The following ELL variants were observed in gnomAD, a reference collection of about 807,000 sequenced individuals.
ELL encodes elongation factor for RNA polymerase II.
In ELL, 18 loss-of-function variants were observed where a neutral mutation model predicts 64.0. The ratio of observed to expected loss-of-function variants is 0.28; its 90% CI spans 0.19 to 0.42. The LOEUF (loss-of-function observed/expected upper bound fraction) is 0.42. ELL is among the 10% of genes least tolerant of loss of function. The pLI is 1.00. For synonymous variants in ELL, 399 were observed against 376.2 expected (o/e 1.06, Z -0.70); for missense variants, 797 against 870.4 (o/e 0.92, Z 1.06).
rs537747383 is a variant in ELL, at chr19:18,461,863, A to C, written c.470-11T>G. ...ACTGAACCTTCTTGCCTGCAACAAG[A>C]ATCCAAGCTTTAGGGAACAGAGAGG... On this transcript the variant is annotated splice_polypyrimidine_tract_variant and intron_variant, in intron 4 of 11. Transcript: ENST00000262809. 1.7e-4 allele frequency: 270 copies of C among 1,607,980 alleles called. 1 individual carries two copies. The South Asian group carries it at 2.9e-3, about 17-fold the overall frequency.
At position 18,459,258 on chromosome 19, in the gene ELL, G is replaced by A. The variant is rs113077366; in HGVS notation, c.745-929C>T. On this transcript the variant is annotated intron_variant, in intron 5 of 11. Transcript: ENST00000262809. The stretch of plus-strand genomic sequence containing the variant: ...GGGTGAGGGGTACCTCTGGGGCCAC[G>A]TCTGAGCCCACCTTCCCTACAACCA... 3.8e-3 allele frequency among the ~76,000 whole-genome samples: 583 copies of A among 152,292 alleles called. 2 individuals are homozygous for A. The highest frequency in any genetic ancestry group is 0.012 in the African/African-American group (486 of 41,558).
intron 1 of ELL, chr19:18,473,170 G>T (rs773465192): frequency 3.0e-6 from 2 of 659,160 alleles, no homozygotes; most frequent in South Asian, 3.0e-5. Context: ...CCAGGATGCA[G>T]GGGCGGGGAG....
rs914752202 is a variant in ELL, at chr19:18,446,055, A to G, written c.1704+254T>C. On this transcript the variant is annotated intron_variant, in intron 10 of 11. Transcript: ENST00000262809. ...ATGTACCCCGGCTCGCCCCCATCCA[A>G]GGAGGTGGGTCACAGCTGTCCCCAC... The G allele has an allele frequency of 7.8e-6, 4 of 510,958 alleles. No homozygotes were observed. In the African/African-American group the frequency reaches 7.9e-5, roughly 10 times the overall value. The allele number at this position is 510,958 out of a possible 1,614,324, so 31.7% of individuals were successfully genotyped here. A position where few individuals can be genotyped will look rare whatever the true frequency, so the allele number is the denominator to read the frequency against.
In ELL at chr19:18,449,838, C is replaced by T. The variant is rs1974484651; in HGVS notation, c.1465+639G>A. On this transcript the variant is annotated intron_variant, in intron 8 of 11. Coordinates refer to ENST00000262809, the MANE Select transcript of ELL (RefSeq NM_006532.4). The surrounding 1 kb of genome is among the most constrained non-coding windows in gnomAD (Gnocchi z 4.4). ...GAACAGCTGCGCAGGCTCATGGCCA[C>T]GGTGCTAGGCGGGTGCTACTGCTGC... Among the ~76,000 whole-genome samples, 3 of 152,348 alleles carry T rather than the reference C, an allele frequency of 2.0e-5. No homozygotes were observed. The South Asian group carries it at 6.2e-4, about 32-fold the overall frequency.
chr19:18,444,556 TGCTCAGGAA>T lies in ELL; in HGVS notation c.*187_*195del. Reference sequence around the variant, plus strand: ...TGGGGAGCCCATCATAAGCAGGGACTGCTCAGGAAGCGCAGGGAGGGCCGAGGTGGGCTT... The same window carrying T: ...TGGGGAGCCCATCATAAGCAGGGACTGCGCAGGGAGGGCCGAGGTGGGCTT... On this transcript the variant is annotated 3_prime_UTR_variant, in exon 12 of 12. Coordinates refer to ENST00000262809, the MANE Select transcript of ELL (RefSeq NM_006532.4). 1.8e-6 allele frequency: 1 copy of T among 550,010 alleles called. No homozygotes were observed. Among genetic ancestry groups the T allele is most frequent in the Non-Finnish European group, 3.2e-6 (1 of 314,262 alleles). The allele number at this position is 550,010 out of a possible 1,614,324, so 34.1% of individuals were successfully genotyped here. A position where few individuals can be genotyped will look rare whatever the true frequency, so the allele number is the denominator to read the frequency against.
intron 6 of ELL, among the ~76,000 whole-genome samples, chr19:18,453,310 T>C (rs771667909): frequency 6.6e-6 from 1 of 152,216 alleles, no homozygotes; most frequent in Non-Finnish European, 1.5e-5. Context: ...AATGCCAGTT[T>C]TCGTGTCCTT....
At chr19:18,508,030 CA>C in intron 1 of ELL, among the ~76,000 whole-genome samples, 1 of 152,328 alleles carries the variant, frequency 6.6e-6, no homozygotes, top group South Asian at 2.1e-4. Context: ...ATACAGGTCA[CA>C]AATAAAGAGG....
chr19:18,470,310 G>T (rs1203875240), intron 2 of ELL, among the ~76,000 whole-genome samples: 3 of 152,248 alleles, frequency 2.0e-5, no homozygotes, highest in Non-Finnish European at 4.4e-5. Flanking sequence ...GTCATCTGAC[G>T]GGCTCGCTGA....
chr19:18,468,658 C>T lies in ELL; in HGVS notation c.184-2740G>A, dbSNP rs533265214. 1.3e-4 allele frequency among the ~76,000 whole-genome samples: 20 copies of T among 152,348 alleles called. No individual in the cohort carries two copies. The South Asian group carries it at 1.9e-3, about 14-fold the overall frequency. ...GCTCTCCCGCCCTCCTCTGTCATCTCTTTAACCCCCACTGCCCCCTGTGGT... is the reference window on the plus strand; with the variant it reads ...GCTCTCCCGCCCTCCTCTGTCATCTTTTTAACCCCCACTGCCCCCTGTGGT... On this transcript the variant is annotated intron_variant, in intron 2 of 11. Coordinates refer to ENST00000262809, the MANE Select transcript of ELL (RefSeq NM_006532.4).
At chr19:18,511,167 T>A (rs1447933160) in intron 1 of ELL, among the ~76,000 whole-genome samples, 2 of 151,804 alleles carry the variant, frequency 1.3e-5, no homozygotes, top group African/African-American at 4.8e-5. Flanking sequence ...CTCGGGAGGC[T>A]GAGGTAGGAG....
intron 1 of ELL, among the ~76,000 whole-genome samples, chr19:18,509,478 G>C (rs906686133): frequency 2.6e-5 from 4 of 151,980 alleles, no homozygotes; most frequent in African/African-American, 4.8e-5. Context: ...GCCCCCACCC[G>C]GCCCCTTGGC....
chr19:18,508,407 G>C (rs1308274749), intron 1 of ELL, among the ~76,000 whole-genome samples: 1 of 152,238 alleles, frequency 6.6e-6, no homozygotes, highest in Non-Finnish European at 1.5e-5. Flanking sequence ...CAGGTTCAAG[G>C]TTTGACATCA....
Position 18,445,256 on chromosome 19 carries a change from G to T in ELL, c.1717C>A (p.Gln573Lys). Residue 573 changes from glutamine to lysine, a missense_variant, in exon 11 of 12, where the codon CAG (glutamine) becomes AAG (lysine). Gln to Lys is a moderately conservative substitution (Grantham distance 53). Coordinates refer to ENST00000262809, the MANE Select transcript of ELL (RefSeq NM_006532.4). ...ATTTTTCGATATTCCTGCAAAATCT[G>T]CCCTCGAGTAGTCTAGAAGAAAAAC... ...GSEEYETTRG[Q>K]ILQEYRKIKK... 1 of 1,613,964 alleles carries T rather than the reference G, an allele frequency of 6.2e-7. No individual in the cohort carries two copies. Among genetic ancestry groups the T allele is most frequent in the Non-Finnish European group, 8.5e-7 (1 of 1,180,000 alleles).
rs182418256 is a variant in ELL at position 18,453,892 on chromosome 19, A to G, written c.870-2244T>C. ...TCCTGATTCAACATTCCTCACAGCT[A>G]CAAGTTTCCACAGATTACATGTCAG... On this transcript the variant is annotated intron_variant, in intron 6 of 11. Transcript: ENST00000262809. Among the ~76,000 whole-genome samples, 233 of 152,302 alleles carry G rather than the reference A, an allele frequency of 1.5e-3. 1 individual carries two copies. The highest frequency in any genetic ancestry group is 3.4e-3 in the Middle Eastern group (1 of 294).
At chr19:18,514,383 G>A (rs140067716) in intron 1 of ELL, among the ~76,000 whole-genome samples, 5,077 of 151,756 alleles carry the variant, frequency 0.033, 148 homozygotes, top group Non-Finnish European at 0.048. Context: ...GTGTGGTGAC[G>A]GGCGCCTGTA....
At chr19:18,488,714 C>A (rs540469951) in intron 1 of ELL, among the ~76,000 whole-genome samples, 1 of 152,076 alleles carries the variant, frequency 6.6e-6, no homozygotes, top group African/African-American at 2.4e-5. Context: ...GACAGGGCTG[C>A]GCATCTTGGG....
chr19:18,503,475 T>C (rs942929669), intron 1 of ELL, among the ~76,000 whole-genome samples: 2 of 152,070 alleles, frequency 1.3e-5, no homozygotes, highest in East Asian at 1.9e-4. Flanking sequence ...TGTGGGCTCT[T>C]GGAGGTGATG....
Position 18,450,538 on chromosome 19 carries a change from G to A in ELL, c.1404C>T (p.Ala468=). 2 of 1,613,276 alleles carry A rather than the reference G, an allele frequency of 1.2e-6. No homozygotes were observed. The highest frequency in any genetic ancestry group is 1.7e-6 in the Non-Finnish European group (2 of 1,179,944). Residue 468 remains alanine, a synonymous_variant, in exon 8 of 12, where the codon GCC becomes GCT. Transcript: ENST00000262809. ...TGGCAGGTGCACAGTCTGGAAGCTG[G>A]GCCCGGGGCTTGTCCTCAGCCGCCC... ...KERAAEDKPR[A]QLPDCAPATH...
chr19:18,478,743 A>T (rs77238995), intron 1 of ELL, among the ~76,000 whole-genome samples: 1 of 152,176 alleles, frequency 6.6e-6, no homozygotes, highest in East Asian at 1.9e-4. Context: ...TGGACTTCAG[A>T]CCCTGACTCG....
Sources: allele counts gnomAD v4.1 joint callset (sites outside exome capture counted in the v4.1 genomes callset), GRCh38; gene constraint gnomAD v4.1.1; non-coding constraint Gnocchi (gnomAD v3.1); transcripts MANE v1.5; gene names NCBI Gene and HGNC (gene_info 2026-07-23, HGNC 2026-07-21).